Variants in ZBTB20 observed in about 807,000 individuals in gnomAD.
The protein encoded by ZBTB20 is zinc finger and BTB domain-containing protein 20.
In ZBTB20, 9 loss-of-function variants were observed where a neutral mutation model predicts 56.9. The ratio of observed to expected loss-of-function variants is 0.16; its 90% CI spans 0.10 to 0.28. The LOEUF (loss-of-function observed/expected upper bound fraction) is 0.28, where lower values mean the gene tolerates loss of function less well. Ranked by LOEUF, ZBTB20 falls within the 10% of genes least tolerant of loss-of-function variation. ZBTB20 has a pLI of 1.00. For synonymous variants in ZBTB20, 417 were observed against 420.7 expected (o/e 0.99, Z 0.11); for missense variants, 655 against 1,003.0 (o/e 0.65, Z 4.69).
intron 4 of ZBTB20, among the ~76,000 whole-genome samples, chr3:114,818,920 C>T (rs1252785436): frequency 2.0e-5 from 3 of 151,820 alleles, no homozygotes; most frequent in Non-Finnish European, 4.4e-5. Flanking sequence ...CCCAAAAGAA[C>T]TTAAAAGAAA....
intron 5 of ZBTB20, among the ~76,000 whole-genome samples, chr3:114,752,359 T>A (rs906078988): frequency 6.6e-6 from 1 of 152,252 alleles, no homozygotes; most frequent in Admixed American, 6.5e-5. Context: ...GCCCATTTGG[T>A]CTGTAAGCCA....
intron 6 of ZBTB20, among the ~76,000 whole-genome samples, chr3:114,509,203 CAG>C (rs2045018724): frequency 6.6e-6 from 1 of 152,066 alleles, no homozygotes; most frequent in Non-Finnish European, 1.5e-5. Context: ...GTTAAAGAAA[CAG>C]AAACAAATGC....
At chr3:114,789,579 T>C (rs1369250675) in intron 5 of ZBTB20, among the ~76,000 whole-genome samples, 2 of 152,102 alleles carry the variant, frequency 1.3e-5, no homozygotes, top group Non-Finnish European at 2.9e-5. Flanking sequence ...GTGAAGGTAA[T>C]TTTAAAAGCC....
At chr3:114,430,783 C>T (rs1401384375) in intron 7 of ZBTB20, among the ~76,000 whole-genome samples, 2 of 152,176 alleles carry the variant, frequency 1.3e-5, no homozygotes, top group Non-Finnish European at 2.9e-5. Context: ...AAACCTGGCA[C>T]AGTGAATTCC....
chr3:114,548,314 T>C (rs978583344), intron 6 of ZBTB20, among the ~76,000 whole-genome samples: 8 of 152,156 alleles, frequency 5.3e-5, no homozygotes, highest in Admixed American at 2.6e-4. Context: ...TCAATTCAGG[T>C]GTGATGAAAA....
chr3:114,557,098 A>C (rs1025992352), intron 6 of ZBTB20, among the ~76,000 whole-genome samples: 4 of 152,034 alleles, frequency 2.6e-5, no homozygotes, highest in African/African-American at 7.2e-5. Flanking sequence ...GATGTAGACA[A>C]ATTAGGGAAG....
intron 7 of ZBTB20, among the ~76,000 whole-genome samples, chr3:114,389,356 C>T (rs1044983003): frequency 6.6e-6 from 1 of 151,980 alleles, no homozygotes. Flanking sequence ...TCAGTGCGGG[C>T]GGAGCTGATT....
chr3:114,475,851 C>G (rs535672912), intron 7 of ZBTB20, among the ~76,000 whole-genome samples: 4 of 152,050 alleles, frequency 2.6e-5, no homozygotes, highest in East Asian at 1.9e-4. Context: ...AGATAACAAC[C>G]CTGAATCATT....
intron 5 of ZBTB20, among the ~76,000 whole-genome samples, chr3:114,702,081 C>G (rs2063421205): frequency 6.6e-6 from 1 of 152,020 alleles, no homozygotes; most frequent in African/African-American, 2.4e-5. Context: ...CTATCGTCAC[C>G]ATGGGAGTCG....
At chr3:114,436,966 T>C (rs1481569822) in intron 7 of ZBTB20, among the ~76,000 whole-genome samples, 1 of 152,206 alleles carries the variant, frequency 6.6e-6, no homozygotes, top group East Asian at 1.9e-4. Flanking sequence ...TCTTCTGAGA[T>C]GCAAACATAC....
intron 5 of ZBTB20, among the ~76,000 whole-genome samples, chr3:114,707,633 AG>A (rs535136324): frequency 2.3e-3 from 343 of 152,288 alleles, no homozygotes; most frequent in Admixed American, 6.5e-3. Context: ...TGTCCCCTGG[AG>A]GGGACACAGT....
chr3:114,482,443 C>T (rs2041660250), intron 7 of ZBTB20, among the ~76,000 whole-genome samples: 1 of 152,110 alleles, frequency 6.6e-6, no homozygotes, highest in African/African-American at 2.4e-5. Flanking sequence ...TCTGAGTTAC[C>T]TCATAGATAA....
intron 5 of ZBTB20, among the ~76,000 whole-genome samples, chr3:114,753,591 C>T (rs946383635): frequency 2.6e-5 from 4 of 151,618 alleles, no homozygotes; most frequent in African/African-American, 4.8e-5. Flanking sequence ...TGTGCTACCA[C>T]GCCCAGCTAA....
At chr3:114,355,037 T>C (rs979076004) in intron 10 of ZBTB20, among the ~76,000 whole-genome samples, 4 of 152,120 alleles carry the variant, frequency 2.6e-5, no homozygotes, top group African/African-American at 4.8e-5. Flanking sequence ...TAACAGTGGA[T>C]CACTGAGGAA....
chr3:114,467,559 T>C (rs576962202), intron 7 of ZBTB20, among the ~76,000 whole-genome samples: 5 of 152,336 alleles, frequency 3.3e-5, no homozygotes, highest in Admixed American at 3.3e-4. Context: ...AGCTAGAGTC[T>C]TCATCACTGT....
At chr3:114,784,064 T>G (rs2070316622) in intron 5 of ZBTB20, among the ~76,000 whole-genome samples, 1 of 152,216 alleles carries the variant, frequency 6.6e-6, no homozygotes, top group African/African-American at 2.4e-5. Flanking sequence ...CATAACAAAT[T>G]TTTCTTTAGA....
At chr3:114,747,109 T>C (rs1303645783) in intron 5 of ZBTB20, among the ~76,000 whole-genome samples, 2 of 152,210 alleles carry the variant, frequency 1.3e-5, no homozygotes, top group Non-Finnish European at 2.9e-5. Flanking sequence ...TATCAGAAAG[T>C]CAATTTTGAA....
At chr3:114,865,796 C>A (rs1177708779) in intron 4 of ZBTB20, among the ~76,000 whole-genome samples, 2 of 152,064 alleles carry the variant, frequency 1.3e-5, no homozygotes, top group African/African-American at 2.4e-5. Context: ...ATTTAAAATT[C>A]ATGGATGAAG....
intron 6 of ZBTB20, among the ~76,000 whole-genome samples, chr3:114,571,966 A>C (rs1353947100): frequency 1.3e-5 from 2 of 152,166 alleles, no homozygotes; most frequent in South Asian, 2.1e-4. Context: ...GTGCAAGTCC[A>C]ACTACTTGTC....
Sources: allele counts gnomAD v4.1 joint callset (sites outside exome capture counted in the v4.1 genomes callset), GRCh38; gene constraint gnomAD v4.1.1; transcripts MANE v1.5; gene names NCBI Gene and HGNC (gene_info 2026-07-23, HGNC 2026-07-21).